The following CTNNA2 variants were observed in gnomAD, a reference collection of about 807,000 sequenced individuals.
CTNNA2 encodes the protein catenin alpha 2.
In CTNNA2, 42 loss-of-function variants were observed where a neutral mutation model predicts 101.0. The ratio of observed to expected loss-of-function variants is 0.42; its 90% CI spans 0.32 to 0.54. CTNNA2 has a LOEUF of 0.54. Among genes scored for constraint, CTNNA2 ranks in the 20% least tolerant of loss-of-function variants. The pLI, the probability that CTNNA2 is intolerant of heterozygous loss-of-function variation, is 0.14. For missense variants in CTNNA2, 871 were observed against 1,223.1 expected, an observed-to-expected ratio of 0.71 and a Z score of 4.29; for synonymous variants, 450 against 456.4, an observed-to-expected ratio of 0.99 and a Z score of 0.18.
intron 7 of CTNNA2, among the ~76,000 whole-genome samples, chr2:80,339,088 T>G (rs1213695905): frequency 6.6e-6 from 1 of 152,094 alleles, no homozygotes; most frequent in South Asian, 2.1e-4. Context: ...TCCATGGAAG[T>G]GTGTATATAG....
At chr2:79,744,630 A>C in intron 3 of CTNNA2, 48 bp downstream of exon 3, 2 of 1,494,428 alleles carry the variant, frequency 1.3e-6, no homozygotes, top group Non-Finnish European at 1.8e-6. Flanking sequence ...ACTGATGTGC[A>C]AACAATGGCT....
At chr2:80,295,624 A>G (rs776652552) in intron 7 of CTNNA2, among the ~76,000 whole-genome samples, 78 of 152,200 alleles carry the variant, frequency 5.1e-4, no homozygotes, top group Admixed American at 1.4e-3. Context: ...GAAGCCCCAA[A>G]CTGGAAAGGT....
chr2:80,610,708 CT>C (rs1308019006), intron 17 of CTNNA2, among the ~76,000 whole-genome samples: 4 of 151,750 alleles, frequency 2.6e-5, no homozygotes, highest in Non-Finnish European at 4.4e-5. Context: ...TAGTCTTATG[CT>C]GGCATGATGA....
chr2:79,705,325 A>T (rs1685282642), intron 2 of CTNNA2, among the ~76,000 whole-genome samples: 3 of 152,224 alleles, frequency 2.0e-5, no homozygotes, highest in Non-Finnish European at 4.4e-5. Context: ...AGAAAGAGAG[A>T]CACCACATTT....
chr2:80,077,460 A>C (rs1698832761), intron 7 of CTNNA2, among the ~76,000 whole-genome samples: 1 of 152,018 alleles, frequency 6.6e-6, no homozygotes. Context: ...AAACAACAAC[A>C]ACTAGCGGTT....
chr2:79,687,719 A>T (rs1246012571), intron 2 of CTNNA2: 1 of 465,866 alleles, frequency 2.1e-6, no homozygotes, highest in Admixed American at 4.3e-5. Flanking sequence ...TTTTGAATGT[A>T]TTGTGACTTT....
chr2:80,097,480 T>G (rs1437808057), intron 7 of CTNNA2, among the ~76,000 whole-genome samples: 2 of 152,152 alleles, frequency 1.3e-5, no homozygotes, highest in Non-Finnish European at 2.9e-5. Context: ...GACAATTATG[T>G]GTCTTGGAGT....
At chr2:79,220,200 G>A (rs1368958) in intron 2 of CTNNA2, among the ~76,000 whole-genome samples, 30,242 of 151,634 alleles carry the variant, frequency 0.2, 3,525 homozygotes, top group African/African-American at 0.32. Flanking sequence ...GTGTGTGTGT[G>A]TATATATATG....
intron 7 of CTNNA2, among the ~76,000 whole-genome samples, chr2:80,307,629 A>G (rs1277457030): frequency 1.3e-5 from 2 of 152,176 alleles, no homozygotes; most frequent in Non-Finnish European, 2.9e-5. Flanking sequence ...GGGTGACCAT[A>G]GATTTCTGTT....
At chr2:79,661,720 A>G (rs1283727043) in intron 2 of CTNNA2, among the ~76,000 whole-genome samples, 4 of 152,160 alleles carry the variant, frequency 2.6e-5, no homozygotes, top group Non-Finnish European at 5.9e-5. Flanking sequence ...CTGACCACAG[A>G]TAATCCTTGA....
At chr2:79,393,646 A>G (rs1351902417) in intron 4 of CTNNA2, among the ~76,000 whole-genome samples, 1 of 151,664 alleles carries the variant, frequency 6.6e-6, no homozygotes, top group Non-Finnish European at 1.5e-5. Flanking sequence ...AAAAAAAAAA[A>G]AAGCTGCTCT....
intron 11 of CTNNA2, 29 bp from the exon 12 acceptor site, chr2:80,555,664 A>G: frequency 1.5e-6 from 2 of 1,353,512 alleles, no homozygotes. Flanking sequence ...ATGTAAAGTC[A>G]TCTAAATGTG....
intron 7 of CTNNA2, among the ~76,000 whole-genome samples, chr2:80,094,802 CTGTT>C (rs1485121189): frequency 1.3e-5 from 2 of 152,112 alleles, no homozygotes; most frequent in Non-Finnish European, 2.9e-5. Context: ...ATTTGGCTCT[CTGTT>C]TGTCTGTTTT....
At position 79,818,895 on chromosome 2, in the gene CTNNA2, GCACACACACACA is replaced by G. The variant is rs56218833; in HGVS notation, c.299-39103_299-39092del. Among the ~76,000 whole-genome samples, 11 of 125,552 alleles carry G rather than the reference GCACACACACACA, an allele frequency of 8.8e-5. No homozygotes were observed. The East Asian group carries it at 1.5e-3, about 17-fold the overall frequency. The allele number at this position is 125,552 out of a possible 152,430, so 82.4% of individuals were successfully genotyped here. A position where few individuals can be genotyped will look rare whatever the true frequency, so the allele number is the denominator to read the frequency against. On this transcript the variant is annotated intron_variant, in intron 3 of 18. Coordinates refer to ENST00000402739, the MANE Select transcript of CTNNA2 (RefSeq NM_001282597.3). Reference sequence around the variant, plus strand: ...AGTAAACTCAAGCAAAGCACTAATAGCACACACACACACACACACACACACATACACACAAAA... The same window carrying G: ...AGTAAACTCAAGCAAAGCACTAATAGCACACACACACACATACACACAAAA...
In CTNNA2 at chr2:79,568,054, T is replaced by G. The variant is rs542392316; in HGVS notation, c.-6+54847T>G. Among the ~76,000 whole-genome samples, 8 of 152,224 alleles carry G rather than the reference T, an allele frequency of 5.3e-5. No individual in the cohort carries two copies. The South Asian group carries it at 1.5e-3, about 28-fold the overall frequency. On this transcript the variant is annotated intron_variant, in intron 1 of 18. Coordinates refer to ENST00000402739, the MANE Select transcript of CTNNA2 (RefSeq NM_001282597.3). Reference sequence around the variant, plus strand: ...TAACACTTATTACAGTATTTCACCATGGATTGTAGGTTGGTAAATTTTTTT... The same window carrying G: ...TAACACTTATTACAGTATTTCACCAGGGATTGTAGGTTGGTAAATTTTTTT...
intron 4 of CTNNA2, among the ~76,000 whole-genome samples, chr2:79,420,591 G>A (rs541955899): frequency 6.6e-6 from 1 of 152,232 alleles, no homozygotes; most frequent in South Asian, 2.1e-4. Flanking sequence ...GTCTTGATTT[G>A]ATCAATTATT....
intron 7 of CTNNA2, among the ~76,000 whole-genome samples, chr2:80,251,376 T>C (rs904266468): frequency 6.6e-6 from 1 of 152,178 alleles, no homozygotes; most frequent in African/African-American, 2.4e-5. Flanking sequence ...CATTCTTGGT[T>C]TGGTGTTCTA....
At chr2:79,886,480 G>A (rs904905646) in intron 6 of CTNNA2, among the ~76,000 whole-genome samples, 4 of 151,792 alleles carry the variant, frequency 2.6e-5, no homozygotes, top group Admixed American at 1.3e-4. Context: ...AGCCAGGCGC[G>A]GTGGCTCACG....
intron 2 of CTNNA2, chr2:79,697,899 A>G (rs1201545360): frequency 2.6e-5 from 4 of 152,064 alleles, no homozygotes; most frequent in African/African-American, 9.7e-5. Context: ...AGTCTGCCCC[A>G]GGAACAACCA....
Sources: gnomAD v4.1 joint callset for allele counts (sites outside exome capture counted in the v4.1 genomes callset) on GRCh38, gnomAD v4.1.1 for gene constraint, MANE v1.5 for transcripts, NCBI Gene and HGNC (gene_info 2026-07-23, HGNC 2026-07-21) for gene names.